Variants in GP5 observed in about 807,000 individuals in gnomAD.
GP5 encodes glycoprotein V platelet.
For missense variants in GP5, 755 were observed against 737.1 expected (o/e 1.02, Z -0.28); for synonymous variants, 382 against 353.9 (o/e 1.08, Z -0.89).
rs1269260949 is a variant in GP5 at position 194,398,126 on chromosome 3, T to C, written c.157A>G (p.Thr53Ala). Residue 53 changes from threonine (T) to alanine (A), a missense_variant, in exon 2 of 2, where the codon ACG becomes GCG. Thr to Ala is a moderately conservative substitution (Grantham distance 58). Transcript: ENST00000692618. Reference protein sequence around the residue: ...ISALGLPTNLTHILLFGMGRG... With the variant: ...ISALGLPTNLAHILLFGMGRG... ...CCCATTCCGAAGAGCAGGATGTGCGTGAGGTTGGTGGGCAGGCCTAGCGCG... is the reference window on the plus strand; with the variant it reads ...CCCATTCCGAAGAGCAGGATGTGCGCGAGGTTGGTGGGCAGGCCTAGCGCG... The C allele has an allele frequency of 5.0e-6, 8 of 1,613,366 alleles. No homozygotes were observed. In the East Asian group the frequency reaches 1.8e-4, roughly 36 times the overall value.
rs1162343803 is a variant in GP5 at position 194,397,151 on chromosome 3, G to C, written c.1132C>G (p.Leu378Val). The change falls in exon 2 of 2, where the codon CTG (leucine) becomes GTG (valine). Residue 378 changes from leucine (L) to valine (V), a missense_variant. Transcript: ENST00000692618. The surrounding 1 kb of genome is among the most constrained non-coding windows in gnomAD (Gnocchi z 7.2). ...VSLRRNRLRALPRALFRNLSS... is the reference protein window; with the variant it reads ...VSLRRNRLRAVPRALFRNLSS... The stretch of plus-strand genomic sequence containing the variant: ...AGATTGCGGAAGAGGGCACGGGGCA[G>C]GGCGCGCAGCCTGTTGCGGCGCAGG... 4 of 1,584,524 alleles carry C rather than the reference G, an allele frequency of 2.5e-6. No homozygotes were observed. In the African/African-American group the frequency reaches 4.0e-5, roughly 16 times the overall value.
chr3:194,397,226 C>T lies in GP5; in HGVS notation c.1057G>A (p.Ala353Thr), dbSNP rs762818342. ...CCGCGCAGCAAGCCGTCGGGGAGGGCGGTCAGGCCGTTGGAGTGCAGGGCG... is the reference window on the plus strand; with the variant it reads ...CCGCGCAGCAAGCCGTCGGGGAGGGTGGTCAGGCCGTTGGAGTGCAGGGCG... ...VLALHSNGLT[A>T]LPDGLLRGLG... Residue 353 changes from alanine to threonine, a missense_variant, in exon 2 of 2, where the codon GCC (alanine) becomes ACC (threonine). Transcript: ENST00000692618. This position sits in a 1 kb window ranked among gnomAD's most constrained non-coding sequence, Gnocchi z 7.2. 4.5e-6 allele frequency: 7 copies of T among 1,572,748 alleles called. No individual in the cohort carries two copies. The South Asian group carries it at 6.8e-5, about 15-fold the overall frequency.
rs1577010974 is a variant in GP5, at chr3:194,396,339, C to T, written c.*261G>A. On this transcript the variant is annotated 3_prime_UTR_variant, in exon 2 of 2. Coordinates refer to ENST00000692618, the MANE Select transcript of GP5 (RefSeq NM_004488.2). ...CCGCGTGGGAGCTGGGGAAGGCAGG[C>T]AACCACAGTTTACAAACGTCAAGCT... is the stretch of plus-strand genomic sequence containing the variant. 1 of 401,228 alleles carries T rather than the reference C, an allele frequency of 2.5e-6. No individual in the cohort carries two copies. Among genetic ancestry groups the T allele is most frequent in the Non-Finnish European group, 4.5e-6 (1 of 222,488 alleles). The allele number at this position is 401,228 out of a possible 1,614,324, so 24.9% of individuals were successfully genotyped here. A position where few individuals can be genotyped will look rare whatever the true frequency, so the allele number is the denominator to read the frequency against.
rs1476024620 is a variant in GP5, at chr3:194,398,082, G to A, written c.201C>T (p.Ser67=). Residue 67 remains serine (S), a synonymous_variant, in exon 2 of 2, where the codon AGC becomes AGT. Coordinates refer to ENST00000692618, the MANE Select transcript of GP5 (RefSeq NM_004488.2). ...GGACGGTCATGCCGCTGAAGCTCTG[G>A]CTCTGCAGGACGCCGCGGCCCATTC... ...LFGMGRGVLQ[S]QSFSGMTVLQ... is the part of the protein sequence containing the mutation. 1 of 1,613,776 alleles carries A rather than the reference G, an allele frequency of 6.2e-7. No homozygotes were observed. Among genetic ancestry groups the A allele is most frequent in the African/African-American group, 1.3e-5 (1 of 74,948 alleles).
chr3:194,396,304 C>G lies in GP5; in HGVS notation c.*296G>C, dbSNP rs1166020761. 1 of 341,852 alleles carries G rather than the reference C, an allele frequency of 2.9e-6. No homozygotes were observed. Among genetic ancestry groups the G allele is most frequent in the Non-Finnish European group, 5.4e-6 (1 of 184,420 alleles). The allele number at this position is 341,852 out of a possible 1,614,324, so 21.2% of individuals were successfully genotyped here. A position where few individuals can be genotyped will look rare whatever the true frequency, so the allele number is the denominator to read the frequency against. ...CACAGTCCAGCGCCCCCGGCAGTGT[C>G]AGCGCACACCCGCGTGGGAGCTGGG... On this transcript the variant is annotated 3_prime_UTR_variant, in exon 2 of 2. Coordinates refer to ENST00000692618, the MANE Select transcript of GP5 (RefSeq NM_004488.2).
rs78332923 is a variant in GP5 at position 194,396,861 on chromosome 3, G to A, written c.1422C>T (p.Gly474=). 32,606 of 1,548,146 alleles carry A rather than the reference G, an allele frequency of 0.021. 2,280 individuals carry two copies. In the African/African-American group the frequency reaches 0.24, roughly 11 times the overall value. Residue 474 remains glycine, a synonymous_variant, in exon 2 of 2, where the codon GGC becomes GGT. Transcript: ENST00000692618. ...CGGGGCGGGGAGGCGGGCCCCGGGG[G>A]CCCGGGCACTCCGCGTCACCCCCCG... The part of the protein sequence containing the change: ...ALPGGDAECP[G]PRGPPPRPAA...
At position 194,397,080 on chromosome 3, in the gene GP5, G is replaced by T; in HGVS notation, c.1203C>A (p.Thr401=). Residue 401 remains threonine (T), a synonymous_variant, in exon 2 of 2, where the codon ACC becomes ACA. Coordinates refer to ENST00000692618, the MANE Select transcript of GP5 (RefSeq NM_004488.2). This position sits in a 1 kb window ranked among gnomAD's most constrained non-coding sequence, Gnocchi z 7.2. ...GAGCCCCAAACACGTCGCCAGGCAG[G>T]GTCTCCAGCTGGTTGTGGTCGAGCT... The part of the protein sequence containing the change: ...SVQLDHNQLE[T]LPGDVFGALP... 1 of 1,595,654 alleles carries T rather than the reference G, an allele frequency of 6.3e-7. No individual in the cohort carries two copies.
rs1340341204 is a variant in GP5 at position 194,396,900 on chromosome 3, C to A, written c.1383G>T (p.Pro461=). The part of the protein sequence containing the change: ...CAGPGAHAGL[P]LWALPGGDAE... ...CGTCACCCCCCGGCAGGGCCCAGAG[C>A]GGCAGGCCGGCGTGCGCCCCAGGGC... is the stretch of plus-strand genomic sequence containing the variant. The change falls in exon 2 of 2, where the codon CCG becomes CCT. Residue 461 remains proline, a synonymous_variant. Coordinates refer to ENST00000692618, the MANE Select transcript of GP5 (RefSeq NM_004488.2). 6.6e-7 allele frequency: 1 copy of A among 1,507,550 alleles called. No individual in the cohort carries two copies. Among genetic ancestry groups the A allele is most frequent in the Non-Finnish European group, 8.8e-7 (1 of 1,130,776 alleles). 93.4% of individuals were successfully genotyped at this position (1,507,550 alleles called of 1,614,324 possible).
chr3:194,398,092 A>G lies in GP5; in HGVS notation c.191T>C (p.Val64Ala), dbSNP rs1714515471. ...HILLFGMGRG[V>A]LQSQSFSGMT... ...GCCGCTGAAGCTCTGGCTCTGCAGG[A>G]CGCCGCGGCCCATTCCGAAGAGCAG... Residue 64 changes from valine (V) to alanine (A), a missense_variant, in exon 2 of 2, where the codon GTC becomes GCC. By Grantham distance (64) the Val-to-Ala change is moderately conservative. Transcript: ENST00000692618. 1 of 1,613,742 alleles carries G rather than the reference A, an allele frequency of 6.2e-7. No individual in the cohort carries two copies. The highest frequency in any genetic ancestry group is 8.5e-7 in the Non-Finnish European group (1 of 1,179,934).
Position 194,396,552 on chromosome 3 carries a change from A to C in GP5, c.*48T>G. 6.6e-7 allele frequency: 1 copy of C among 1,506,058 alleles called. No homozygotes were observed. Among genetic ancestry groups the C allele is most frequent in the South Asian group, 1.3e-5 (1 of 76,380 alleles). 93.3% of individuals were successfully genotyped at this position (1,506,058 alleles called of 1,614,324 possible). On this transcript the variant is annotated 3_prime_UTR_variant, in exon 2 of 2. Coordinates refer to ENST00000692618, the MANE Select transcript of GP5 (RefSeq NM_004488.2). The stretch of plus-strand genomic sequence containing the variant: ...AGCAGCGGGTCTGGATTCCCCTCCG[A>C]GCCACATCTGGTCAGGTTCTAAGTA...
At position 194,396,805 on chromosome 3, in the gene GP5, T is replaced by C. The variant is rs1714469730; in HGVS notation, c.1478A>G (p.His493Arg). ...TGAGCTGTTGGGAGCCAAGGCTGGG[T>C]GGACAGGGGCTTCCGAGGAGCTGTC... ...AADSSSEAPV[H>R]PALAPNSSEP... Residue 493 changes from histidine to arginine, a missense_variant, in exon 2 of 2, where the codon CAC (histidine) becomes CGC (arginine). Physicochemically the swap from His to Arg is conservative, Grantham distance 29. Transcript: ENST00000692618. 1.9e-6 allele frequency: 3 copies of C among 1,607,630 alleles called. No homozygotes were observed. The highest frequency in any genetic ancestry group is 1.1e-5 in the South Asian group (1 of 90,192).
chr3:194,396,682 A>G lies in GP5; in HGVS notation c.1601T>C (p.Met534Thr). The change falls in exon 2 of 2, where the codon ATG becomes ACG. Residue 534 changes from methionine to threonine, a missense_variant. Met to Thr is a moderately conservative substitution (Grantham distance 81). Transcript: ENST00000692618. ...FYFLLLAVQAMITVIIVFAMI... is the reference protein window; with the variant it reads ...FYFLLLAVQATITVIIVFAMI... ...AGCAAACACGATGATCACGGTGATCATGGCCTGAACAGCTAAAAGCAGAAA... is the reference window on the plus strand; with the variant it reads ...AGCAAACACGATGATCACGGTGATCGTGGCCTGAACAGCTAAAAGCAGAAA... The G allele has an allele frequency of 6.2e-7, 1 of 1,614,016 alleles. No individual in the cohort carries two copies. Among genetic ancestry groups the G allele is most frequent in the Non-Finnish European group, 8.5e-7 (1 of 1,179,838 alleles).
At position 194,394,838 on chromosome 3, in the gene GP5, T is replaced by C. The variant is rs60913085; in HGVS notation, c.*1762A>G. 0.084 allele frequency: 12,751 copies of C among 152,248 alleles called. 956 individuals are homozygous for C. The highest frequency in any genetic ancestry group is 0.2 in the African/African-American group (8,257 of 41,484). 9.4% of individuals were successfully genotyped at this position (152,248 alleles called of 1,614,324 possible). On this transcript the variant is annotated 3_prime_UTR_variant, in exon 2 of 2. Transcript: ENST00000692618. ...GTGTTGGAGGATCCATTGCTCTGGA[T>C]TGTGAGCACAGAGTCTGGCCACCCA...
rs1714441728 is a variant in GP5, at chr3:194,396,075, A to G, written c.*525T>C. On this transcript the variant is annotated 3_prime_UTR_variant, in exon 2 of 2. Coordinates refer to ENST00000692618, the MANE Select transcript of GP5 (RefSeq NM_004488.2). Reference sequence around the variant, plus strand: ...AAAAAATTAGATAGAGCAACAGCCTATCCTTTCCCTCCAGGAAAAGCCATC... The same window carrying G: ...AAAAAATTAGATAGAGCAACAGCCTGTCCTTTCCCTCCAGGAAAAGCCATC... The G allele has an allele frequency of 6.5e-6, 1 of 153,048 alleles. No homozygotes were observed. The highest frequency in any genetic ancestry group is 2.4e-5 in the African/African-American group (1 of 41,482). The allele number at this position is 153,048 out of a possible 1,614,324, so 9.5% of individuals were successfully genotyped here.
At chr3:194,398,330 G>A in intron 1 of GP5, 46 bp from the exon 2 acceptor site, 2 of 1,508,358 alleles carry the variant, frequency 1.3e-6, no homozygotes, top group Middle Eastern at 1.7e-4. Flanking sequence ...AGGAGCGTTC[G>A]CGCCTGTACT....
chr3:194,397,863 G>A lies in GP5; in HGVS notation c.420C>T (p.Asn140=), dbSNP rs1441363663. The change falls in exon 2 of 2, where the codon AAC becomes AAT. Residue 140 remains asparagine (N), a synonymous_variant. Transcript: ENST00000692618. The surrounding 1 kb of genome is among the most constrained non-coding windows in gnomAD (Gnocchi z 7.2). Reference sequence around the variant, plus strand: ...GCAGGTTAACCAGTTTCTGAAACATGTTTTGGTCAATGCCCCTTAGCGCAT... The same window carrying A: ...GCAGGTTAACCAGTTTCTGAAACATATTTTGGTCAATGCCCCTTAGCGCAT... ...DHNALRGIDQ[N]MFQKLVNLQE... is the part of the protein sequence containing the mutation. 3 of 1,613,946 alleles carry A rather than the reference G, an allele frequency of 1.9e-6. No homozygotes were observed. The African/African-American group carries it at 4.0e-5, about 22-fold the overall frequency.
At position 194,397,387 on chromosome 3, in the gene GP5, C is replaced by A. The variant is rs780872965; in HGVS notation, c.896G>T (p.Arg299Leu). The change falls in exon 2 of 2, where the codon CGC (arginine) becomes CTC (leucine). Residue 299 changes from arginine (R) to leucine (L), a missense_variant. Transcript: ENST00000692618. This position sits in a 1 kb window ranked among gnomAD's most constrained non-coding sequence, Gnocchi z 7.2. ...MGGLQELWLNRTQLRTLPAAA... is the reference protein window; with the variant it reads ...MGGLQELWLNLTQLRTLPAAA... Reference sequence around the variant, plus strand: ...GGCGGGCAGGGTGCGCAGCTGGGTGCGGTTCAGCCACAGCTCCTGCAGGCC... The same window carrying A: ...GGCGGGCAGGGTGCGCAGCTGGGTGAGGTTCAGCCACAGCTCCTGCAGGCC... 6.2e-6 allele frequency: 10 copies of A among 1,610,958 alleles called. No homozygotes were observed. In the Admixed American group the frequency reaches 1.0e-4, roughly 16 times the overall value.
In GP5 at chr3:194,398,010, G is replaced by A. The variant is rs150190099; in HGVS notation, c.273C>T (p.Pro91=). The change falls in exon 2 of 2, where the codon CCC becomes CCT. Residue 91 remains proline, a synonymous_variant. Transcript: ENST00000692618. ...GTTTTATCAGGTCACTGAAGGTGCC[G>A]GGGGCAACGGCGGAAATGTGGCTGT... The part of the protein sequence containing the change: ...ISDSHISAVA[P]GTFSDLIKLK... The A allele has an allele frequency of 1.5e-4, 241 of 1,613,892 alleles. No individual in the cohort carries two copies. In the African/African-American group the frequency reaches 2.5e-3, roughly 16 times the overall value.
rs983472643 is a variant in GP5 at position 194,395,029 on chromosome 3, C to T, written c.*1571G>A. Reference sequence around the variant, plus strand: ...CTCATCCTTTAGTAATAATAGCTAACATTCATTAACATGTATTGCCTGCAG... The same window carrying T: ...CTCATCCTTTAGTAATAATAGCTAATATTCATTAACATGTATTGCCTGCAG... On this transcript the variant is annotated 3_prime_UTR_variant, in exon 2 of 2. Coordinates refer to ENST00000692618, the MANE Select transcript of GP5 (RefSeq NM_004488.2). 2 of 152,264 alleles carry T rather than the reference C, an allele frequency of 1.3e-5. No individual in the cohort carries two copies. Among genetic ancestry groups the T allele is most frequent in the Non-Finnish European group, 2.9e-5 (2 of 68,050 alleles). 9.4% of individuals were successfully genotyped at this position (152,264 alleles called of 1,614,324 possible). A position where few individuals can be genotyped will look rare whatever the true frequency, so the allele number is the denominator to read the frequency against.
Sources: allele counts gnomAD v4.1 joint callset, GRCh38; gene constraint gnomAD v4.1.1; non-coding constraint Gnocchi (gnomAD v3.1); transcripts MANE v1.5; gene names NCBI Gene and HGNC (gene_info 2026-07-23, HGNC 2026-07-21).